Variants in NAP1L4 observed in about 807,000 individuals in gnomAD.
The protein encoded by NAP1L4 is nucleosome assembly protein 1 like 4.
NAP1L4 carries 15 observed loss-of-function variants against 58.2 expected under a neutral mutation model. That is an observed-to-expected ratio of 0.26 (90% CI 0.17 to 0.40). The LOEUF is 0.40. Among genes scored for constraint, NAP1L4 ranks in the 10% least tolerant of loss-of-function variants. NAP1L4 has a pLI of 1.00. For missense variants in NAP1L4, 384 were observed against 451.1 expected (o/e 0.85, Z 1.35); for synonymous variants, 171 against 155.6 (o/e 1.10, Z -0.74).
intron 2 of NAP1L4, 144 bp from the exon 3 acceptor site, chr11:2,978,486 A>G (rs901694975): frequency 6.1e-6 from 4 of 656,116 alleles, no homozygotes; most frequent in Non-Finnish European, 1.0e-5. Context: ...ACCAATGTGC[A>G]TGTTATCTCA....
At chr11:2,965,024 C>G (rs1245815122) in intron 7 of NAP1L4, among the ~76,000 whole-genome samples, 1 of 152,204 alleles carries the variant, frequency 6.6e-6, no homozygotes, top group African/African-American at 2.4e-5. Context: ...ACCCGCCTGC[C>G]TGCAATACTG....
At position 2,955,431 on chromosome 11, in the gene NAP1L4, C is replaced by A. The variant is rs1013570742; in HGVS notation, c.915+313G>T. On this transcript the variant is annotated intron_variant, in intron 11 of 15. Coordinates refer to ENST00000380542, the MANE Select transcript of NAP1L4 (RefSeq NM_005969.4). The surrounding 1 kb of genome is among the most constrained non-coding windows in gnomAD (Gnocchi z 4.2). ...ATGTTGACCAGACTGGTCTTGAACT[C>A]CTGACCTCTGGTGATCCACCCACCT... is the stretch of plus-strand genomic sequence containing the variant. Among the ~76,000 whole-genome samples, 1 of 151,810 alleles carries A rather than the reference C, an allele frequency of 6.6e-6. No individual in the cohort carries two copies. Among genetic ancestry groups the A allele is most frequent in the African/African-American group, 2.4e-5 (1 of 41,244 alleles).
chr11:2,968,144 C>T (rs1253503391), intron 7 of NAP1L4, among the ~76,000 whole-genome samples: 2 of 152,190 alleles, frequency 1.3e-5, no homozygotes, highest in African/African-American at 4.8e-5. Flanking sequence ...CCCCATGCCC[C>T]CCGAAGTCTG....
rs1203710298 is a variant in NAP1L4 at position 2,959,918 on chromosome 11, A to G, written c.607-9T>C. Reference sequence around the variant, plus strand: ...AACTCTAACACAAAAGACTAAAAGTAGAAATTCAGAGTAAGCACCAGTTAA... The same window carrying G: ...AACTCTAACACAAAAGACTAAAAGTGGAAATTCAGAGTAAGCACCAGTTAA... On this transcript the variant is annotated splice_polypyrimidine_tract_variant and intron_variant, in intron 8 of 15. Coordinates refer to ENST00000380542, the MANE Select transcript of NAP1L4 (RefSeq NM_005969.4). The surrounding 1 kb of genome is among the most constrained non-coding windows in gnomAD (Gnocchi z 4.9). 1 of 1,613,698 alleles carries G rather than the reference A, an allele frequency of 6.2e-7. No individual in the cohort carries two copies. Among genetic ancestry groups the G allele is most frequent in the East Asian group, 2.2e-5 (1 of 44,882 alleles).
At chr11:2,982,388 A>C (rs1390170337) in intron 1 of NAP1L4, among the ~76,000 whole-genome samples, 1 of 152,220 alleles carries the variant, frequency 6.6e-6, no homozygotes, top group Non-Finnish European at 1.5e-5. Context: ...ACTAACCTGG[A>C]AACATCTAAC....
At position 2,954,555 on chromosome 11, in the gene NAP1L4, G is replaced by T; in HGVS notation, c.1007C>A (p.Thr336Asn). ...GTCATCATCTTCTATGGCCTCCCCA[G>T]TGAAGTACAGCACAGCCCGCGGGAC... ...RIVPRAVLYFTGEAIEDDDNF... is the reference protein window; with the variant it reads ...RIVPRAVLYFNGEAIEDDDNF... Residue 336 changes from threonine to asparagine, a missense_variant, in exon 12 of 16, where the codon ACT (threonine) becomes AAT (asparagine). Around this residue, in one of 3 missense-constraint regions of NAP1L4, gnomAD observed 296 missense variants for 360.8 expected, o/e 0.82. Transcript: ENST00000380542. The surrounding 1 kb of genome is among the most constrained non-coding windows in gnomAD (Gnocchi z 4.8). 1 of 1,614,188 alleles carries T rather than the reference G, an allele frequency of 6.2e-7. No individual in the cohort carries two copies. Among genetic ancestry groups the T allele is most frequent in the South Asian group, 1.1e-5 (1 of 91,080 alleles).
In NAP1L4 at chr11:2,945,140, T is replaced by C. The variant is rs369092636; in HGVS notation, c.*539A>G. ...GAGATGATCGGCATACAGCAGGTGA[T>C]GCAGGCTGCACACTCAGCAGATTCA... On this transcript the variant is annotated 3_prime_UTR_variant, in exon 16 of 16. Transcript: ENST00000380542. 1 of 155,772 alleles carries C rather than the reference T, an allele frequency of 6.4e-6. No individual in the cohort carries two copies. The highest frequency in any genetic ancestry group is 1.9e-4 in the East Asian group (1 of 5,320). The allele number at this position is 155,772 out of a possible 1,614,324, so 9.6% of individuals were successfully genotyped here. A position where few individuals can be genotyped will look rare whatever the true frequency, so the allele number is the denominator to read the frequency against.
chr11:2,973,195 T>G (rs1258109335), intron 4 of NAP1L4, among the ~76,000 whole-genome samples: 1 of 152,232 alleles, frequency 6.6e-6, no homozygotes, highest in Admixed American at 6.5e-5. Context: ...GCAACACAAC[T>G]TTGTCCTGGA....
chr11:2,947,850 G>A lies in NAP1L4; in HGVS notation c.*32+1377C>T, dbSNP rs564254921. Among the ~76,000 whole-genome samples the A allele has an allele frequency of 5.9e-5, 9 of 152,300 alleles. No individual in the cohort carries two copies. The East Asian group carries it at 1.2e-3, about 20-fold the overall frequency. On this transcript the variant is annotated intron_variant, in intron 15 of 15. Coordinates refer to ENST00000380542, the MANE Select transcript of NAP1L4 (RefSeq NM_005969.4). ...CTGAGAAAGGCAACAAAGACATGCC[G>A]CTGAAACACACTCGACCATAGCTGC...
chr11:2,973,355 T>C (rs1847761607), intron 4 of NAP1L4, among the ~76,000 whole-genome samples: 1 of 152,244 alleles, frequency 6.6e-6, no homozygotes. Context: ...CACAATCATG[T>C]GGACTGAACA....
intron 3 of NAP1L4, among the ~76,000 whole-genome samples, chr11:2,976,839 T>C (rs1847991033): frequency 6.6e-6 from 1 of 152,246 alleles, no homozygotes; most frequent in African/African-American, 2.4e-5. Flanking sequence ...GTTGTGACTA[T>C]GAAGTGGCAG....
At position 2,956,324 on chromosome 11, in the gene NAP1L4, G is replaced by A. The variant is rs78068496; in HGVS notation, c.893-558C>T. Among the ~76,000 whole-genome samples the A allele has an allele frequency of 4.4e-3, 674 of 152,188 alleles. 2 individuals are homozygous for A. The highest frequency in any genetic ancestry group is 0.015 in the African/African-American group (636 of 41,510). The stretch of plus-strand genomic sequence containing the variant: ...CCTCAGCGAAAGCTGATGCTCAGAC[G>A]AGCTAAGCCCACCAAGACAGATAGG... On this transcript the variant is annotated intron_variant, in intron 10 of 15. Coordinates refer to ENST00000380542, the MANE Select transcript of NAP1L4 (RefSeq NM_005969.4).
chr11:2,974,427 C>A (rs928544702), intron 4 of NAP1L4, among the ~76,000 whole-genome samples: 1 of 152,162 alleles, frequency 6.6e-6, no homozygotes, highest in African/African-American at 2.4e-5. Context: ...TGCCACCCCA[C>A]CAACCCAGTT....
Position 2,958,752 on chromosome 11 carries a change from C to A in NAP1L4, c.747-208G>T, listed in dbSNP as rs1023045786. The A allele has an allele frequency of 3.3e-5, 19 of 568,208 alleles. No homozygotes were observed. The Admixed American group carries it at 5.2e-4, about 16-fold the overall frequency. 35.2% of individuals were successfully genotyped at this position (568,208 alleles called of 1,614,324 possible). On this transcript the variant is annotated intron_variant, in intron 9 of 15. Transcript: ENST00000380542. ...TCCTCTTTCAACTTGGGTGTGACCACTGGAACTTCAGACTTCTGGAACAAT... is the reference window on the plus strand; with the variant it reads ...TCCTCTTTCAACTTGGGTGTGACCAATGGAACTTCAGACTTCTGGAACAAT...
At chr11:2,984,765 A>G (rs1231276723) in intron 1 of NAP1L4, among the ~76,000 whole-genome samples, 1 of 150,980 alleles carries the variant, frequency 6.6e-6, no homozygotes, top group Non-Finnish European at 1.5e-5. Flanking sequence ...TACCTGAGAA[A>G]CTGTTAATGG....
At chr11:2,980,009 T>C (rs1170607462) in intron 1 of NAP1L4, among the ~76,000 whole-genome samples, 1 of 152,198 alleles carries the variant, frequency 6.6e-6, no homozygotes, top group Non-Finnish European at 1.5e-5. Context: ...CTTCCATTAC[T>C]TCTACACTGA....
intron 7 of NAP1L4, among the ~76,000 whole-genome samples, chr11:2,966,311 T>C (rs1198865711): frequency 9.9e-5 from 15 of 152,212 alleles, no homozygotes; most frequent in Admixed American, 9.2e-4. Flanking sequence ...GTCCTCTAGC[T>C]TTCTGAAAAC....
intron 1 of NAP1L4, among the ~76,000 whole-genome samples, chr11:2,989,637 G>A (rs1848838193): frequency 6.6e-6 from 1 of 152,148 alleles, no homozygotes. Flanking sequence ...ACTATCAACT[G>A]CTCAAAAGAA....
In NAP1L4 at chr11:2,951,728, CAAAG is replaced by C; in HGVS notation, c.1065+48_1065+51del. 6.3e-7 allele frequency: 1 copy of C among 1,597,114 alleles called. No individual in the cohort carries two copies. The highest frequency in any genetic ancestry group is 8.6e-7 in the Non-Finnish European group (1 of 1,165,572). On this transcript the variant is annotated intron_variant, in intron 13 of 15. Transcript: ENST00000380542. This position sits in a 1 kb window ranked among gnomAD's most constrained non-coding sequence, Gnocchi z 4.0. ...TCCATAACCTTCAAGCAGAGAAAGC[CAAAG>C]AAACAACTTCAGGGAGGTAAGTGGC...
Sources: allele counts gnomAD v4.1 joint callset (sites outside exome capture counted in the v4.1 genomes callset), GRCh38; gene constraint gnomAD v4.1.1; regional missense constraint gnomAD v4.1.1; non-coding constraint Gnocchi (gnomAD v3.1); transcripts MANE v1.5; gene names NCBI Gene and HGNC (gene_info 2026-07-23, HGNC 2026-07-21).